SNTG2: variants seen among roughly 807,000 people sequenced by gnomAD.
The protein encoded by SNTG2 is syntrophin gamma 2.
In SNTG2, 74 loss-of-function variants were observed where a neutral mutation model predicts 70.9. That is an observed-to-expected ratio of 1.04 (90% confidence interval 0.86 to 1.27). The LOEUF (loss-of-function observed/expected upper bound fraction) is 1.27. Ranked by LOEUF, SNTG2 falls within the 50% of genes most tolerant of loss-of-function variation. The pLI is 0.00. For synonymous variants in SNTG2, 278 were observed against 273.8 expected (o/e 1.02, Z -0.15); for missense variants, 717 against 690.7 (o/e 1.04, Z -0.43).
intron 4 of SNTG2, among the ~76,000 whole-genome samples, chr2:1,101,764 T>C (rs1665796181): frequency 6.6e-6 from 1 of 152,186 alleles, no homozygotes; most frequent in South Asian, 2.1e-4. Flanking sequence ...AGAGAAGCTG[T>C]CTGCATTCCT....
At chr2:959,780 C>A (rs112524541) in intron 1 of SNTG2, among the ~76,000 whole-genome samples, 2,945 of 151,032 alleles carry the variant, frequency 0.019, 89 homozygotes, top group African/African-American at 0.068. Flanking sequence ...TCTTCCTATC[C>A]CCTTCTTTGG....
At chr2:1,038,310 C>T (rs1344729575) in intron 1 of SNTG2, among the ~76,000 whole-genome samples, 1 of 152,182 alleles carries the variant, frequency 6.6e-6, no homozygotes, top group Non-Finnish European at 1.5e-5. Context: ...TCTGTAACCA[C>T]GTTCTCATAG....
intron 6 of SNTG2, among the ~76,000 whole-genome samples, chr2:1,140,927 C>T (rs761218524): frequency 6.6e-6 from 1 of 152,210 alleles, no homozygotes; most frequent in African/African-American, 2.4e-5. Flanking sequence ...GTTTCAGTCA[C>T]CTATAATAGC....
intron 6 of SNTG2, among the ~76,000 whole-genome samples, chr2:1,147,551 C>A (rs939402208): frequency 6.6e-6 from 1 of 152,252 alleles, no homozygotes; most frequent in Non-Finnish European, 1.5e-5. Flanking sequence ...CCTCAGCATG[C>A]AGATGGCCTA....
chr2:955,151 T>G (rs993782669), intron 1 of SNTG2, among the ~76,000 whole-genome samples: 2 of 152,238 alleles, frequency 1.3e-5, no homozygotes, highest in Admixed American at 1.3e-4. Flanking sequence ...TTATACTTTG[T>G]AAAGAAACTG....
rs551214465 is a variant in SNTG2 at position 982,994 on chromosome 2, G to A, written c.72+31926G>A. Among the ~76,000 whole-genome samples the A allele has an allele frequency of 4.7e-3, 721 of 152,176 alleles. 4 individuals are homozygous for A. Among genetic ancestry groups the A allele is most frequent in the African/African-American group, 0.015 (611 of 41,502 alleles). ...GGATGAAGCAGAAGCTGCAGGGGTG[G>A]TGGTCAGGATGAAGAAGCTGCAGAG... On this transcript the variant is annotated intron_variant, in intron 1 of 16. Coordinates refer to ENST00000308624, the MANE Select transcript of SNTG2 (RefSeq NM_018968.4).
At chr2:1,222,389 T>G (rs1675307194) in intron 9 of SNTG2, among the ~76,000 whole-genome samples, 1 of 152,284 alleles carries the variant, frequency 6.6e-6, no homozygotes, top group African/African-American at 2.4e-5. Context: ...GATTTTTCTT[T>G]CCTTTGTGTG....
intron 1 of SNTG2, among the ~76,000 whole-genome samples, chr2:983,264 T>TCGGGA (rs1558293363): frequency 0.026 from 3,692 of 143,258 alleles, 151 homozygotes; most frequent in Middle Eastern, 0.031. Context: ...GAGGTGGAGG[T>TCGGGA]TGGGATGAAG....
intron 6 of SNTG2, among the ~76,000 whole-genome samples, chr2:1,154,395 T>C (rs1360701761): frequency 1.3e-5 from 2 of 152,190 alleles, no homozygotes; most frequent in Non-Finnish European, 2.9e-5. Context: ...CGGAAGATGT[T>C]GAATAAGATT....
chr2:1,181,498 A>C (rs2147912169), intron 8 of SNTG2, among the ~76,000 whole-genome samples: 1 of 152,296 alleles, frequency 6.6e-6, no homozygotes, highest in East Asian at 1.9e-4. Context: ...GTTCAGAGCA[A>C]CCTTGTAATC....
At chr2:1,206,499 T>C (rs1378880085) in intron 8 of SNTG2, among the ~76,000 whole-genome samples, 1 of 152,178 alleles carries the variant, frequency 6.6e-6, no homozygotes, top group Non-Finnish European at 1.5e-5. Flanking sequence ...ATGGGAGCAT[T>C]TGACCCCGCT....
At chr2:1,007,325 T>C (rs539923076) in intron 1 of SNTG2, among the ~76,000 whole-genome samples, 3 of 152,310 alleles carry the variant, frequency 2.0e-5, no homozygotes, top group African/African-American at 7.2e-5. Context: ...GTCTCTAAAC[T>C]TGTTACCTCA....
At chr2:1,075,476 A>G (rs1008609779) in intron 1 of SNTG2, among the ~76,000 whole-genome samples, 1 of 152,194 alleles carries the variant, frequency 6.6e-6, no homozygotes, top group African/African-American at 2.4e-5. Context: ...TTGGAAGAAA[A>G]TGTGGAAAGT....
At chr2:1,357,839 T>G (rs1660931792) in intron 16 of SNTG2, among the ~76,000 whole-genome samples, 1 of 152,164 alleles carries the variant, frequency 6.6e-6, no homozygotes, top group South Asian at 2.1e-4. Context: ...GTTTTTTTCT[T>G]CTGTGGCATC....
chr2:1,282,862 C>A (rs776368411), intron 14 of SNTG2, among the ~76,000 whole-genome samples: 3 of 152,148 alleles, frequency 2.0e-5, no homozygotes, highest in Admixed American at 6.5e-5. Context: ...CCCAACACGT[C>A]GGCCTACGAA....
intron 16 of SNTG2, among the ~76,000 whole-genome samples, chr2:1,334,059 T>C (rs967816423): frequency 2.6e-5 from 4 of 152,136 alleles, no homozygotes; most frequent in African/African-American, 9.7e-5. Flanking sequence ...AAAGGACTAA[T>C]ATCCAGACTC....
Position 1,294,489 on chromosome 2 carries a change from G to T in SNTG2, c.1285-14005G>T, listed in dbSNP as rs140561976. ...GATTTAGCTTTCTTAGGAGAAAGTA[G>T]ATGAGTTTCTAGAATGATTACCTTA... On this transcript the variant is annotated intron_variant, in intron 14 of 16. Coordinates refer to ENST00000308624, the MANE Select transcript of SNTG2 (RefSeq NM_018968.4). Among the ~76,000 whole-genome samples the T allele has an allele frequency of 4.5e-3, 684 of 152,330 alleles. 6 individuals are homozygous for T. The highest frequency in any genetic ancestry group is 0.015 in the African/African-American group (641 of 41,578).
chr2:1,338,817 G>A (rs572614236), intron 16 of SNTG2, among the ~76,000 whole-genome samples: 1 of 152,284 alleles, frequency 6.6e-6, no homozygotes, highest in East Asian at 1.9e-4. Context: ...GTGAATAATG[G>A]TGCAATGCAC....
rs116193137 is a variant in SNTG2 at position 1,089,325 on chromosome 2, T to A, written c.210+5670T>A. The stretch of plus-strand genomic sequence containing the variant: ...AAAGAATATGAAAACCTTAAAATAA[T>A]GAACAGTTTGGCCGTATTCATTATA... On this transcript the variant is annotated intron_variant, in intron 2 of 16. Transcript: ENST00000308624. Among the ~76,000 whole-genome samples, 1,148 of 152,332 alleles carry A rather than the reference T, an allele frequency of 7.5e-3. 9 individuals carry two copies. The highest frequency in any genetic ancestry group is 0.017 in the Middle Eastern group (5 of 294).
Sources: gnomAD v4.1 joint callset for allele counts (sites outside exome capture counted in the v4.1 genomes callset) on GRCh38, gnomAD v4.1.1 for gene constraint, MANE v1.5 for transcripts, NCBI Gene and HGNC (gene_info 2026-07-23, HGNC 2026-07-21) for gene names.